NXN: variants seen among roughly 807,000 people sequenced by gnomAD.
NXN encodes the protein nucleoredoxin, also known as nucleoredoxin 1.
A neutral mutation model predicts 48.6 loss-of-function variants in NXN; 16 were observed. That is an observed-to-expected ratio of 0.33 (90% CI 0.22 to 0.50). NXN has a LOEUF of 0.50. Ranked by LOEUF, NXN falls within the 20% of genes least tolerant of loss-of-function variation. The pLI is 0.98. For missense variants in NXN, 492 were observed against 605.5 expected, an observed-to-expected ratio of 0.81 and a Z score of 1.97; for synonymous variants, 281 against 269.6, an observed-to-expected ratio of 1.04 and a Z score of -0.41.
rs539898134 is a variant in NXN, at chr17:943,043, T to C, written c.360+36276A>G. Among the ~76,000 whole-genome samples the C allele has an allele frequency of 4.0e-4, 61 of 150,874 alleles. 1 individual carries two copies. The highest frequency in any genetic ancestry group is 2.1e-3 in the South Asian group (10 of 4,686). ...CAAGATTCCAGGGTGCAGCCATGAATTCACCAAACACCTCCCTGGATTTAC... is the reference window on the plus strand; with the variant it reads ...CAAGATTCCAGGGTGCAGCCATGAACTCACCAAACACCTCCCTGGATTTAC... On this transcript the variant is annotated intron_variant, in intron 1 of 7. Coordinates refer to ENST00000336868, the MANE Select transcript of NXN (RefSeq NM_022463.5).
At position 885,862 on chromosome 17, in the gene NXN, A is replaced by AT. The variant is rs1282278284; in HGVS notation, c.361-59785dup. Reference sequence around the variant, plus strand: ...CGCCCGGCTAATTTTTTTTTTTTGTATTTTTTTAGTAGAGACGGGGTTTCA... The same window carrying AT: ...CGCCCGGCTAATTTTTTTTTTTTGTATTTTTTTTAGTAGAGACGGGGTTTCA... On this transcript the variant is annotated intron_variant, in intron 1 of 7. Transcript: ENST00000336868. 8.0e-3 allele frequency among the ~76,000 whole-genome samples: 1,159 copies of AT among 145,680 alleles called. 13 individuals are homozygous for AT. The highest frequency in any genetic ancestry group is 0.028 in the African/African-American group (1,104 of 39,288).
chr17:877,306 C>G (rs986006179), intron 1 of NXN, among the ~76,000 whole-genome samples: 1 of 151,840 alleles, frequency 6.6e-6, no homozygotes, highest in Non-Finnish European at 1.5e-5. Context: ...GCCACCAAGC[C>G]CGGCTAATTT....
chr17:819,070 C>T (rs1419644590), intron 5 of NXN: 2 of 317,132 alleles, frequency 6.3e-6, no homozygotes, highest in East Asian at 2.1e-4. Flanking sequence ...CCTCAGCCTC[C>T]TGAGTAGCTG....
intron 1 of NXN, among the ~76,000 whole-genome samples, chr17:897,296 G>A (rs147463839): frequency 1.3e-5 from 2 of 152,308 alleles, no homozygotes; most frequent in African/African-American, 4.8e-5. Flanking sequence ...TGACAGCAGA[G>A]ACGTGTGGCT....
intron 1 of NXN, among the ~76,000 whole-genome samples, chr17:855,048 G>A (rs1052236243): frequency 6.6e-6 from 1 of 152,028 alleles, no homozygotes; most frequent in Non-Finnish European, 1.5e-5. Flanking sequence ...AGGCCAAGGC[G>A]GGAGGGTCAA....
In NXN at chr17:830,402, G is replaced by C. The variant is rs935256539; in HGVS notation, c.361-4324C>G. On this transcript the variant is annotated intron_variant, in intron 1 of 7. Transcript: ENST00000336868. The surrounding 1 kb of genome is among the most constrained non-coding windows in gnomAD (Gnocchi z 4.2). ...AAACAGGGCGGGTAAGATCACGGCT[G>C]CAACTGGGAAGCTGGGATGGCAGCG... 1.3e-5 allele frequency among the ~76,000 whole-genome samples: 2 copies of C among 152,094 alleles called. No homozygotes were observed. The highest frequency in any genetic ancestry group is 1.3e-4 in the Admixed American group (2 of 15,258).
At chr17:869,919 G>C (rs2068133690) in intron 1 of NXN, among the ~76,000 whole-genome samples, 1 of 152,202 alleles carries the variant, frequency 6.6e-6, no homozygotes, top group Admixed American at 6.5e-5. Context: ...CTCGTACTTA[G>C]GAAGGAAAGG....
intron 1 of NXN, among the ~76,000 whole-genome samples, chr17:973,276 G>A (rs940998653): frequency 6.6e-6 from 1 of 152,322 alleles, no homozygotes. Context: ...GTCCACGCTA[G>A]AGGTGGCGTT....
At chr17:948,336 A>G (rs1188717426) in intron 1 of NXN, among the ~76,000 whole-genome samples, 2 of 152,314 alleles carry the variant, frequency 1.3e-5, no homozygotes, top group East Asian at 1.9e-4. Context: ...ATTAAACAAT[A>G]AAGAAAGAAA....
intron 1 of NXN, among the ~76,000 whole-genome samples, chr17:875,390 A>C (rs1597684389): frequency 6.6e-6 from 1 of 152,100 alleles, no homozygotes; most frequent in African/African-American, 2.4e-5. Context: ...CAACAACCCC[A>C]TTGAGCAGAT....
chr17:973,654 T>C (rs1219014657), intron 1 of NXN, among the ~76,000 whole-genome samples: 1 of 152,112 alleles, frequency 6.6e-6, no homozygotes, highest in Non-Finnish European at 1.5e-5. Flanking sequence ...TTCGCAGTTA[T>C]AATCTCTTAT....
chr17:804,819 C>T (rs371308432), intron 6 of NXN, among the ~76,000 whole-genome samples: 36 of 152,216 alleles, frequency 2.4e-4, no homozygotes, highest in African/African-American at 8.0e-4. Flanking sequence ...GGCATCCTCC[C>T]GGCCTGACCT....
At chr17:961,963 C>A (rs982305512) in intron 1 of NXN, among the ~76,000 whole-genome samples, 1 of 152,070 alleles carries the variant, frequency 6.6e-6, no homozygotes, top group Admixed American at 6.6e-5. Context: ...GGTGAAACCT[C>A]GTTTCTACCA....
chr17:926,551 T>TTG (rs1350515042), intron 1 of NXN, among the ~76,000 whole-genome samples: 3 of 135,188 alleles, frequency 2.2e-5, no homozygotes, highest in Non-Finnish European at 4.8e-5. Flanking sequence ...TTTTGTTTTT[T>TTG]TGTTTTTTTT....
chr17:927,894 T>C (rs1039670439), intron 1 of NXN, among the ~76,000 whole-genome samples: 1 of 152,110 alleles, frequency 6.6e-6, no homozygotes, highest in South Asian at 2.1e-4. Flanking sequence ...ATGTTCCTTA[T>C]ACCACCTGGA....
chr17:810,792 A>G (rs9915855), intron 5 of NXN, among the ~76,000 whole-genome samples: 6,672 of 152,054 alleles, frequency 0.044, 377 homozygotes, highest in African/African-American at 0.13. Context: ...AGGAGGCTGA[A>G]GCAGGAGAAT....
At chr17:936,590 G>A (rs1373219987) in intron 1 of NXN, among the ~76,000 whole-genome samples, 2 of 151,532 alleles carry the variant, frequency 1.3e-5, no homozygotes, top group Non-Finnish European at 2.9e-5. Flanking sequence ...AGAGAAGGGC[G>A]AGGTGTGTCG....
Position 841,546 on chromosome 17 carries a change from CCGGCGAGCAGGTCCCCCCTGA to C in NXN, c.361-15489_361-15469del, listed in dbSNP as rs1567827846. ...CCCCCCGACCATGGAGCATCTCACG[CCGGCGAGCAGGTCCCCCCTGA>C]CCACGGAGCATCTCACGCCGGCGAG... is the stretch of plus-strand genomic sequence containing the variant. On this transcript the variant is annotated intron_variant, in intron 1 of 7. Coordinates refer to ENST00000336868, the MANE Select transcript of NXN (RefSeq NM_022463.5). Among the ~76,000 whole-genome samples the C allele has an allele frequency of 6.3e-4, 75 of 118,568 alleles. 7 individuals carry two copies. Among genetic ancestry groups the C allele is most frequent in the Non-Finnish European group, 7.3e-4 (40 of 55,120 alleles). The allele number at this position is 118,568 out of a possible 152,430, so 77.8% of individuals were successfully genotyped here. A position where few individuals can be genotyped will look rare whatever the true frequency, so the allele number is the denominator to read the frequency against.
At chr17:903,908 C>G (rs558659484) in intron 1 of NXN, among the ~76,000 whole-genome samples, 21 of 152,114 alleles carry the variant, frequency 1.4e-4, no homozygotes, top group African/African-American at 2.6e-4. Flanking sequence ...AACCTCACCC[C>G]CCACGGGCAG....
Sources: allele counts gnomAD v4.1 joint callset (sites outside exome capture counted in the v4.1 genomes callset), GRCh38; gene constraint gnomAD v4.1.1; non-coding constraint Gnocchi (gnomAD v3.1); transcripts MANE v1.5; gene names NCBI Gene and HGNC (gene_info 2026-07-23, HGNC 2026-07-21).